Variants in PRKN observed in about 807,000 individuals in gnomAD.
The protein encoded by PRKN is parkin RBR E3 ubiquitin protein ligase, also known as E3 ubiquitin-protein ligase parkin.
Under a neutral mutation model 59.5 loss-of-function variants are expected in PRKN, and 56 were observed. That is an observed-to-expected ratio of 0.94 (90% CI 0.76 to 1.18). PRKN has a LOEUF of 1.18. PRKN is among the 50% of genes most tolerant of loss of function. The pLI is 0.00. For missense variants in PRKN, 657 were observed against 596.4 expected (o/e 1.10, Z -1.06); for synonymous variants, 250 against 222.1 (o/e 1.13, Z -1.12).
Position 161,842,466 on chromosome 6 carries a change from T to TAA in PRKN, c.735-56560_735-56559dup, listed in dbSNP as rs61182650. ...CAGCCTGGGCAACAGAATGAGACTC[T>TAA]AAAAAAAAAAAAAAAATAGCCATGG... On this transcript the variant is annotated intron_variant, in intron 6 of 11. Coordinates refer to ENST00000366898, the MANE Select transcript of PRKN (RefSeq NM_004562.3). 1.3e-3 allele frequency among the ~76,000 whole-genome samples: 172 copies of TAA among 135,780 alleles called. 1 individual carries two copies. The highest frequency in any genetic ancestry group is 3.3e-3 in the African/African-American group (121 of 36,356). 89.1% of individuals were successfully genotyped at this position (135,780 alleles called of 152,430 possible).
intron 1 of PRKN, among the ~76,000 whole-genome samples, chr6:162,551,029 A>G (rs1205403473): frequency 2.0e-5 from 3 of 152,194 alleles, no homozygotes; most frequent in Non-Finnish European, 4.4e-5. Flanking sequence ...TTTCTTCTGT[A>G]TGTAATTTCA....
chr6:162,304,430 A>G lies in PRKN; in HGVS notation c.172-41665T>C, dbSNP rs530297662. Among the ~76,000 whole-genome samples the G allele has an allele frequency of 2.5e-4, 38 of 150,988 alleles. 3 individuals are homozygous for G. Among genetic ancestry groups the G allele is most frequent in the Non-Finnish European group, 4.9e-4 (33 of 67,668 alleles). On this transcript the variant is annotated intron_variant, in intron 2 of 11. Coordinates refer to ENST00000366898, the MANE Select transcript of PRKN (RefSeq NM_004562.3). ...AGAAAAAGTTGTTTCACACATAAAC[A>G]TACTTCTTGGAACCAAAAACTTTCC...
intron 4 of PRKN, among the ~76,000 whole-genome samples, chr6:162,058,054 G>A (rs1195044276): frequency 2.6e-5 from 4 of 152,138 alleles, no homozygotes; most frequent in African/African-American, 9.7e-5. Flanking sequence ...TTCTCTGTAG[G>A]TTGTGATTTG....
chr6:162,254,551 G>C (rs1371617264), intron 3 of PRKN, among the ~76,000 whole-genome samples: 1 of 152,026 alleles, frequency 6.6e-6, no homozygotes, highest in Non-Finnish European at 1.5e-5. Context: ...TGAAAACAGT[G>C]CTCAGTTGAT....
chr6:162,027,652 T>C (rs915373053), intron 5 of PRKN, among the ~76,000 whole-genome samples: 21 of 152,192 alleles, frequency 1.4e-4, no homozygotes, highest in African/African-American at 5.1e-4. Flanking sequence ...TTTCCAGATA[T>C]GCCATATAAC....
intron 2 of PRKN, among the ~76,000 whole-genome samples, chr6:162,322,905 G>A (rs1002625474): frequency 6.6e-6 from 1 of 151,894 alleles, no homozygotes; most frequent in Non-Finnish European, 1.5e-5. Flanking sequence ...AAAATGATGA[G>A]TTCATGTCCT....
chr6:161,370,935 G>A (rs1292017802), intron 10 of PRKN, among the ~76,000 whole-genome samples: 1 of 152,196 alleles, frequency 6.6e-6, no homozygotes, highest in Non-Finnish European at 1.5e-5. Flanking sequence ...TTTGCAGACA[G>A]CAGCCTTCCT....
At position 161,550,738 on chromosome 6, in the gene PRKN, C is replaced by CGTGTGTGCACGTGTGT. The variant is rs1554275156; in HGVS notation, c.934-1736_934-1735insACACACGTGCACACAC. Among the ~76,000 whole-genome samples the CGTGTGTGCACGTGTGT allele has an allele frequency of 1.4e-5, 2 of 146,192 alleles. No homozygotes were observed. Among genetic ancestry groups the CGTGTGTGCACGTGTGT allele is most frequent in the Non-Finnish European group, 3.0e-5 (2 of 66,762 alleles). ...AAGAAAGGGTATGTGTGTGTGTGCA[C>CGTGTGTGCACGTGTGT]GTGTGTGTGTGTGTGTGTGTGTGTA... On this transcript the variant is annotated intron_variant, in intron 8 of 11. Coordinates refer to ENST00000366898, the MANE Select transcript of PRKN (RefSeq NM_004562.3). This position sits in a 1 kb window ranked among gnomAD's most constrained non-coding sequence, Gnocchi z 4.0.
At chr6:161,757,791 T>C in intron 7 of PRKN, among the ~76,000 whole-genome samples, 1 of 144,002 alleles carries the variant, frequency 6.9e-6, no homozygotes, top group South Asian at 2.2e-4. Flanking sequence ...TTTGCTGAGA[T>C]CGCACCATTG....
chr6:162,117,997 G>A (rs1780746699), intron 4 of PRKN, among the ~76,000 whole-genome samples: 1 of 152,174 alleles, frequency 6.6e-6, no homozygotes, highest in Admixed American at 6.5e-5. Flanking sequence ...TTGGGAGGCT[G>A]AGGCAGGAGA....
chr6:161,626,293 C>G (rs1783085779), intron 7 of PRKN, among the ~76,000 whole-genome samples: 1 of 152,106 alleles, frequency 6.6e-6, no homozygotes, highest in Non-Finnish European at 1.5e-5. Context: ...ACTACACTTA[C>G]CAAAGAAAGG....
rs1781704129 is a variant in PRKN at position 162,601,373 on chromosome 6, T to C, written c.7+126289A>G. Among the ~76,000 whole-genome samples, 2 of 147,424 alleles carry C rather than the reference T, an allele frequency of 1.4e-5. 1 individual carries two copies. The highest frequency in any genetic ancestry group is 7.0e-3 in the Middle Eastern group (2 of 284). On this transcript the variant is annotated intron_variant, in intron 1 of 11. Coordinates refer to ENST00000366898, the MANE Select transcript of PRKN (RefSeq NM_004562.3). ...ATGGGTTTTGTTTTAGAAATTCATA[T>C]GTATAAAAGTATAAAGTATGTAATA...
At chr6:162,215,676 A>G (rs556437798) in intron 3 of PRKN, among the ~76,000 whole-genome samples, 1 of 143,710 alleles carries the variant, frequency 7.0e-6, no homozygotes, top group Admixed American at 6.8e-5. Context: ...ATTATTGTTT[A>G]TTCTATCTAA....
At chr6:161,639,984 A>G (rs745697339) in intron 7 of PRKN, among the ~76,000 whole-genome samples, 2 of 152,170 alleles carry the variant, frequency 1.3e-5, no homozygotes, top group African/African-American at 2.4e-5. Flanking sequence ...ATTTCATTCA[A>G]AACTGTTGGC....
chr6:161,356,851 G>T lies in PRKN; in HGVS notation c.1285+3237C>A, dbSNP rs185138892. Among the ~76,000 whole-genome samples, 1 of 152,076 alleles carries T rather than the reference G, an allele frequency of 6.6e-6. No individual in the cohort carries two copies. Among genetic ancestry groups the T allele is most frequent in the African/African-American group, 2.4e-5 (1 of 41,404 alleles). On this transcript the variant is annotated intron_variant, in intron 11 of 11. Coordinates refer to ENST00000366898, the MANE Select transcript of PRKN (RefSeq NM_004562.3). This position sits in a 1 kb window ranked among gnomAD's most constrained non-coding sequence, Gnocchi z 7.8. ...CTGGCTATTGGAGTCGGACCGAGGGGCGAGATGAGGGTGGGGTGTAGATTT... is the reference window on the plus strand; with the variant it reads ...CTGGCTATTGGAGTCGGACCGAGGGTCGAGATGAGGGTGGGGTGTAGATTT...
intron 9 of PRKN, among the ~76,000 whole-genome samples, chr6:161,464,525 T>C (rs1790360547): frequency 6.6e-6 from 1 of 152,190 alleles, no homozygotes; most frequent in Admixed American, 6.5e-5. Context: ...ACAATCAGGA[T>C]GTATTTTATA....
chr6:162,007,285 G>A (rs1019522637), intron 5 of PRKN, among the ~76,000 whole-genome samples: 12 of 152,046 alleles, frequency 7.9e-5, no homozygotes, highest in African/African-American at 1.4e-4. Context: ...ACTATATGAC[G>A]TTTTAAAAAG....
intron 1 of PRKN, among the ~76,000 whole-genome samples, chr6:162,519,395 G>A (rs942559252): frequency 2.6e-5 from 4 of 152,092 alleles, no homozygotes; most frequent in African/African-American, 7.3e-5. Context: ...CCAGTTACTA[G>A]TATTAGCCTA....
rs1366418214 is a variant in PRKN at position 161,604,697 on chromosome 6, G to GGCCAAGGTGGGCGGATCACTT, written c.872-35302_872-35282dup. Among the ~76,000 whole-genome samples, 21 of 152,304 alleles carry GGCCAAGGTGGGCGGATCACTT rather than the reference G, an allele frequency of 1.4e-4. No individual in the cohort carries two copies. In the East Asian group the frequency reaches 4.1e-3, roughly 29 times the overall value. On this transcript the variant is annotated intron_variant, in intron 7 of 11. Transcript: ENST00000366898. Reference sequence around the variant, plus strand: ...TGCCTGTAATCCCAACACTTTGGGAGGCCAAGGTGGGCGGATCACTTGAGA... The same window carrying GGCCAAGGTGGGCGGATCACTT: ...TGCCTGTAATCCCAACACTTTGGGAGGCCAAGGTGGGCGGATCACTTGCCAAGGTGGGCGGATCACTTGAGA...
Sources: gnomAD v4.1 joint callset for allele counts (sites outside exome capture counted in the v4.1 genomes callset) on GRCh38, gnomAD v4.1.1 for gene constraint, Gnocchi (gnomAD v3.1) non-coding constraint, MANE v1.5 for transcripts, NCBI Gene and HGNC (gene_info 2026-07-23, HGNC 2026-07-21) for gene names.